ZNF385D: variants seen among roughly 807,000 people sequenced by gnomAD.
ZNF385D encodes zinc finger protein 659.
A neutral mutation model predicts 35.8 loss-of-function variants in ZNF385D; 15 were observed. The ratio of observed to expected loss-of-function variants is 0.42; its 90% CI spans 0.28 to 0.64. ZNF385D has a LOEUF of 0.64. Among genes scored for constraint, ZNF385D ranks in the 30% least tolerant of loss-of-function variants. The probability of loss-of-function intolerance (pLI) is 0.23; values close to 1 mark genes in which losing one functional copy is unlikely to be tolerated. For missense variants in ZNF385D, 474 were observed against 494.6 expected (o/e 0.96, Z 0.39); for synonymous variants, 212 against 186.8 (o/e 1.13, Z -1.10).
chr3:21,595,024 T>C (rs17009103), intron 2 of ZNF385D, among the ~76,000 whole-genome samples: 23,796 of 152,126 alleles, frequency 0.16, 1,905 homozygotes, highest in East Asian at 0.25. Context: ...CATTAACGAG[T>C]TGTGACATTT....
chr3:22,047,898 T>A (rs754232786), intron 3 of ZNF385D, among the ~76,000 whole-genome samples: 1 of 152,180 alleles, frequency 6.6e-6, no homozygotes, highest in Non-Finnish European at 1.5e-5. Context: ...ACACTTCACA[T>A]CTTCACCAAC....
chr3:22,341,968 G>A (rs1391345157), intron 2 of ZNF385D, among the ~76,000 whole-genome samples: 1 of 152,102 alleles, frequency 6.6e-6, no homozygotes, highest in Admixed American at 6.5e-5. Context: ...ACTGAAAACT[G>A]TTTAATGAAT....
intron 1 of ZNF385D, among the ~76,000 whole-genome samples, chr3:21,686,335 A>G (rs1218963212): frequency 6.6e-6 from 1 of 152,176 alleles, no homozygotes; most frequent in African/African-American, 2.4e-5. Flanking sequence ...ATAAAAAGAT[A>G]TAAATATTGT....
intron 4 of ZNF385D, chr3:21,443,429 T>C (rs1307672051): frequency 5.6e-6 from 4 of 711,382 alleles, no homozygotes; most frequent in Admixed American, 6.3e-5. Context: ...GTCTGTCTTA[T>C]AGAACCCATC....
At chr3:22,073,382 G>A (rs768173120) in intron 3 of ZNF385D, among the ~76,000 whole-genome samples, 30 of 151,190 alleles carry the variant, frequency 2.0e-4, no homozygotes, top group South Asian at 1.0e-3. Context: ...GGGTGGGGTG[G>A]GTGAGAGGGT....
chr3:22,360,507 T>A (rs912855434), intron 2 of ZNF385D, among the ~76,000 whole-genome samples: 1 of 151,946 alleles, frequency 6.6e-6, no homozygotes, highest in African/African-American at 2.4e-5. Flanking sequence ...AGGATAATCA[T>A]CCAAATTTTA....
intron 3 of ZNF385D, among the ~76,000 whole-genome samples, chr3:22,021,402 G>T (rs1697217508): frequency 6.6e-6 from 1 of 151,912 alleles, no homozygotes; most frequent in African/African-American, 2.4e-5. Flanking sequence ...TAGAAGGATA[G>T]AAACAAAGAA....
At chr3:22,310,780 G>T (rs867382309) in intron 2 of ZNF385D, among the ~76,000 whole-genome samples, 1 of 151,544 alleles carries the variant, frequency 6.6e-6, no homozygotes, top group East Asian at 1.9e-4. Context: ...GATAAGCTTC[G>T]ACAGCTTTAT....
intron 4 of ZNF385D, among the ~76,000 whole-genome samples, chr3:21,501,787 C>T (rs78651039): frequency 5.9e-5 from 9 of 152,188 alleles, no homozygotes; most frequent in African/African-American, 9.6e-5. Flanking sequence ...GAAAAACTCT[C>T]CATGAACTCA....
rs79761123 is a variant in ZNF385D, at chr3:22,064,012, T to C, written c.325+104805A>G. Among the ~76,000 whole-genome samples the C allele has an allele frequency of 1.4e-4, 22 of 152,332 alleles. 1 individual carries two copies. Among genetic ancestry groups the C allele is most frequent in the Admixed American group, 9.1e-4 (14 of 15,306 alleles). ...TGTAAGCAAATATCCATCTCAGAAT[T>C]TGCTTCCCAAGGAATCCAAATTGTG... On this transcript the variant is annotated intron_variant, in intron 3 of 5. Transcript: ENST00000494108.
intron 2 of ZNF385D, among the ~76,000 whole-genome samples, chr3:22,224,571 G>C (rs1264552420): frequency 6.6e-6 from 1 of 152,166 alleles, no homozygotes; most frequent in Non-Finnish European, 1.5e-5. Flanking sequence ...ATGATAGGAA[G>C]CCCATGGAGA....
At chr3:21,520,609 A>G (rs1707845123) in intron 3 of ZNF385D, among the ~76,000 whole-genome samples, 1 of 152,186 alleles carries the variant, frequency 6.6e-6, no homozygotes, top group Non-Finnish European at 1.5e-5. Flanking sequence ...CTTACCATCA[A>G]ACACAAATTG....
chr3:21,784,319 T>C (rs2125643369), intron 3 of ZNF385D, among the ~76,000 whole-genome samples: 1 of 152,300 alleles, frequency 6.6e-6, no homozygotes, highest in Non-Finnish European at 1.5e-5. Flanking sequence ...TTACTTACCT[T>C]TTGGTGTTAC....
At chr3:22,023,715 C>T (rs1340795660) in intron 3 of ZNF385D, among the ~76,000 whole-genome samples, 2 of 151,600 alleles carry the variant, frequency 1.3e-5, no homozygotes, top group Non-Finnish European at 2.9e-5. Flanking sequence ...TTATTTTATT[C>T]TATTATGGAT....
chr3:22,245,902 C>G (rs1008961480), intron 2 of ZNF385D, among the ~76,000 whole-genome samples: 1 of 152,020 alleles, frequency 6.6e-6, no homozygotes, highest in Admixed American at 6.6e-5. Flanking sequence ...TGAATCATTT[C>G]CAGGAAAATC....
In ZNF385D at chr3:21,743,259, C is replaced by A. The variant is rs73822043; in HGVS notation, c.22+7636G>T. On this transcript the variant is annotated intron_variant, in intron 1 of 7. Transcript: ENST00000281523. ...AAATATCAAAGAGATCGTAGCACAG[C>A]TAATTTGGACTTTTTTTATAAGCAT... is the stretch of plus-strand genomic sequence containing the variant. 6.3e-3 allele frequency among the ~76,000 whole-genome samples: 962 copies of A among 152,236 alleles called. 14 individuals are homozygous for A. Among genetic ancestry groups the A allele is most frequent in the African/African-American group, 0.022 (909 of 41,522 alleles).
intron 2 of ZNF385D, among the ~76,000 whole-genome samples, chr3:21,630,017 C>T (rs1239823607): frequency 3.8e-5 from 1 of 26,112 alleles, no homozygotes; most frequent in Non-Finnish European, 1.1e-4. Context: ...TATATTTTTC[C>T]TCACTATGTC....
Position 22,307,981 on chromosome 3 carries a change from T to A in ZNF385D, c.106+64469A>T, listed in dbSNP as rs112602562. On this transcript the variant is annotated intron_variant, in intron 2 of 5. Coordinates refer to the ZNF385D transcript ENST00000494108. ...ATTTTTGAATTAGTTGAATCAGATTTTTAATACATACATAATCAAATTCCA... is the reference window on the plus strand; with the variant it reads ...ATTTTTGAATTAGTTGAATCAGATTATTAATACATACATAATCAAATTCCA... Among the ~76,000 whole-genome samples the A allele has an allele frequency of 6.6e-3, 1,007 of 152,200 alleles. 9 individuals carry two copies. Among genetic ancestry groups the A allele is most frequent in the South Asian group, 0.05 (243 of 4,826 alleles).
At position 22,114,632 on chromosome 3, in the gene ZNF385D, A is replaced by T. The variant is rs566931662; in HGVS notation, c.325+54185T>A. 1.2e-4 allele frequency among the ~76,000 whole-genome samples: 19 copies of T among 152,176 alleles called. No homozygotes were observed. The South Asian group carries it at 3.5e-3, about 28-fold the overall frequency. Reference sequence around the variant, plus strand: ...GCTCAATCCCACTGGTGGCCATTAGAAGACAATTTGTGTGGATTATATCTC... The same window carrying T: ...GCTCAATCCCACTGGTGGCCATTAGTAGACAATTTGTGTGGATTATATCTC... On this transcript the variant is annotated intron_variant, in intron 3 of 5. Transcript: ENST00000494108.
Sources: allele counts gnomAD v4.1 joint callset (sites outside exome capture counted in the v4.1 genomes callset), GRCh38; gene constraint gnomAD v4.1.1; transcripts MANE v1.5; gene names NCBI Gene and HGNC (gene_info 2026-07-23, HGNC 2026-07-21).